The following KIF5C variants were observed in gnomAD, a reference collection of about 807,000 sequenced individuals.
KIF5C encodes the protein kinesin heavy chain isoform 5C.
In KIF5C, 18 loss-of-function variants were observed where a neutral mutation model predicts 125.2. That is an observed-to-expected ratio of 0.14 (90% CI 0.10 to 0.21). The LOEUF is 0.21. Ranked by LOEUF, KIF5C falls within the 10% of genes least tolerant of loss-of-function variation. The pLI, the probability that KIF5C is intolerant of heterozygous loss-of-function variation, is 1.00. For synonymous variants in KIF5C, 405 were observed against 434.0 expected, an observed-to-expected ratio of 0.93 and a Z score of 0.83; for missense variants, 780 against 1,183.8, an observed-to-expected ratio of 0.66 and a Z score of 5.01.
At chr2:148,881,110 C>T (rs113304529) in intron 1 of KIF5C, among the ~76,000 whole-genome samples, 1,524 of 152,026 alleles carry the variant, frequency 0.01, 31 homozygotes, top group African/African-American at 0.035. Context: ...GCTCAATAGG[C>T]GCTGATTACC....
intron 11 of KIF5C, among the ~76,000 whole-genome samples, chr2:148,964,877 G>C (rs1020424430): frequency 1.3e-5 from 2 of 152,168 alleles, no homozygotes; most frequent in African/African-American, 4.8e-5. Flanking sequence ...GGCTGTATTG[G>C]AGAGTGGACT....
At chr2:148,953,354 A>G (rs1229192513) in intron 10 of KIF5C, among the ~76,000 whole-genome samples, 3 of 152,228 alleles carry the variant, frequency 2.0e-5, no homozygotes, top group African/African-American at 4.8e-5. Flanking sequence ...TTTCCAAACT[A>G]TTATTGGAAA....
chr2:148,879,356 G>T (rs1681282569), intron 1 of KIF5C: 1 of 152,190 alleles, frequency 6.6e-6, no homozygotes, highest in African/African-American at 2.4e-5. Flanking sequence ...ATAGTTTACA[G>T]AGTTTTTATT....
chr2:148,986,009 A>G (rs1007863572), intron 15 of KIF5C, among the ~76,000 whole-genome samples: 1 of 152,192 alleles, frequency 6.6e-6, no homozygotes, highest in Non-Finnish European at 1.5e-5. Flanking sequence ...TAATTTTTTG[A>G]ACCATACATT....
intron 21 of KIF5C, among the ~76,000 whole-genome samples, chr2:149,003,928 A>C (rs141518706): frequency 1.7e-3 from 264 of 152,330 alleles, no homozygotes; most frequent in African/African-American, 6.3e-3. Context: ...CACTGACAAG[A>C]AACAGAGAGA....
chr2:149,013,302 G>C (rs1317466370), intron 25 of KIF5C, among the ~76,000 whole-genome samples: 2 of 152,178 alleles, frequency 1.3e-5, no homozygotes, highest in East Asian at 3.9e-4. Flanking sequence ...TTCAGTTTCA[G>C]CCATCATGCC....
At chr2:148,964,490 C>T (rs1422524586) in intron 11 of KIF5C, among the ~76,000 whole-genome samples, 1 of 152,174 alleles carries the variant, frequency 6.6e-6, no homozygotes, top group East Asian at 1.9e-4. Context: ...TCTCTTCCCT[C>T]AGGACGGTCT....
chr2:148,976,242 T>G (rs1372309548), intron 12 of KIF5C, among the ~76,000 whole-genome samples: 1 of 144,872 alleles, frequency 6.9e-6, no homozygotes, highest in African/African-American at 2.6e-5. Context: ...GCATATTATT[T>G]TGTTTTATTT....
intron 1 of KIF5C, among the ~76,000 whole-genome samples, chr2:148,919,556 T>G (rs4270296): frequency 0.14 from 21,211 of 152,182 alleles, 2,303 homozygotes; most frequent in African/African-American, 0.29. Context: ...TGGGGGCTAC[T>G]GGGGAAGGGT....
intron 19 of KIF5C, chr2:149,000,121 CT>C: frequency 3.7e-6 from 1 of 271,066 alleles, no homozygotes; most frequent in East Asian, 6.5e-5. Context: ...CATGGGCTCT[CT>C]GTTTTAAAAT....
intron 15 of KIF5C, among the ~76,000 whole-genome samples, chr2:148,986,815 A>T (rs547831277): frequency 6.6e-6 from 1 of 152,214 alleles, no homozygotes; most frequent in Non-Finnish European, 1.5e-5. Context: ...AAAAACCCAT[A>T]TATCCCCAGC....
chr2:148,944,718 A>G (rs1682484320), intron 7 of KIF5C, among the ~76,000 whole-genome samples: 2 of 152,108 alleles, frequency 1.3e-5, no homozygotes, highest in Admixed American at 1.3e-4. Context: ...AACCGCTACT[A>G]TTTGCTATTA....
chr2:148,899,107 G>A, intron 1 of KIF5C, among the ~76,000 whole-genome samples: 1 of 152,170 alleles, frequency 6.6e-6, no homozygotes, highest in East Asian at 1.9e-4. Context: ...TTGCTATATA[G>A]AATATTAATT....
At chr2:148,910,034 A>G (rs1407788415) in intron 1 of KIF5C, among the ~76,000 whole-genome samples, 4 of 152,206 alleles carry the variant, frequency 2.6e-5, no homozygotes, top group African/African-American at 9.7e-5. Flanking sequence ...TTAATTTTGG[A>G]GTAAAATTTT....
chr2:149,000,805 TTA>T (rs546716301), intron 21 of KIF5C, 23 bp downstream of exon 21: 226 of 1,612,452 alleles, frequency 1.4e-4, no homozygotes, highest in Admixed American at 2.8e-4. Context: ...ATTTCCCGAT[TTA>T]TGTTTGTCTC....
intron 1 of KIF5C, chr2:148,884,199 C>T (rs976896084): frequency 2.9e-4 from 44 of 152,018 alleles, no homozygotes; most frequent in African/African-American, 9.7e-4. Flanking sequence ...GTTTCAATAT[C>T]CTAAAGGATG....
chr2:148,949,500 C>T (rs1468685758), intron 8 of KIF5C, among the ~76,000 whole-genome samples: 5 of 152,146 alleles, frequency 3.3e-5, no homozygotes, highest in South Asian at 2.1e-4. Flanking sequence ...ATGGGGACTG[C>T]GGCTCAGTCT....
intron 25 of KIF5C, chr2:149,020,099 A>G (rs576927776): frequency 6.6e-6 from 1 of 152,326 alleles, no homozygotes; most frequent in East Asian, 1.9e-4. Flanking sequence ...ATTAGAACAG[A>G]CAGAAATGCT....
rs1378713576 is a variant in KIF5C at position 148,876,404 on chromosome 2, A to G, written c.126+661A>G. 6.6e-6 allele frequency among the ~76,000 whole-genome samples: 1 copy of G among 152,028 alleles called. No individual in the cohort carries two copies. The highest frequency in any genetic ancestry group is 1.5e-5 in the Non-Finnish European group (1 of 67,994). ...TCACGCCTGGCTGCCCTGGATGTGGAGTCCCGGCTTGATCCCTCCCCTCTG... is the reference window on the plus strand; with the variant it reads ...TCACGCCTGGCTGCCCTGGATGTGGGGTCCCGGCTTGATCCCTCCCCTCTG... On this transcript the variant is annotated intron_variant, in intron 1 of 25. Transcript: ENST00000435030. This position sits in a 1 kb window ranked among gnomAD's most constrained non-coding sequence, Gnocchi z 4.7.
Sources: gnomAD v4.1 joint callset for allele counts (sites outside exome capture counted in the v4.1 genomes callset) on GRCh38, gnomAD v4.1.1 for gene constraint, Gnocchi (gnomAD v3.1) non-coding constraint, MANE v1.5 for transcripts, NCBI Gene and HGNC (gene_info 2026-07-23, HGNC 2026-07-21) for gene names.